Variants in DZIP1L observed in about 807,000 individuals in gnomAD.
DZIP1L encodes cilium assembly protein DZIP1L.
In DZIP1L, 90 loss-of-function variants were observed where a neutral mutation model predicts 88.7. The observed-to-expected ratio is 1.02, with a 90% CI of 0.86 to 1.21. The LOEUF (loss-of-function observed/expected upper bound fraction) is 1.21, where lower values mean the gene tolerates loss of function less well. Ranked by LOEUF, DZIP1L falls within the 50% of genes most tolerant of loss-of-function variation. DZIP1L has a pLI of 0.00. For synonymous variants in DZIP1L, 363 were observed against 372.1 expected (o/e 0.98, Z 0.28); for missense variants, 932 against 955.8 (o/e 0.98, Z 0.33).
At chr3:138,102,227 C>G in intron 2 of DZIP1L, 3 of 1,409,544 alleles carry the variant, frequency 2.1e-6, no homozygotes, top group African/African-American at 2.8e-5. Context: ...CCCGGATCTC[C>G]TCTTCATACA....
rs2042346346 is a variant in DZIP1L at position 138,102,363 on chromosome 3, T to G, written c.501+1108A>C. ...AAATTTATTCTCCATCTTTGTATGC[T>G]TATTGATCTCATCCTCATACTTGTT... On this transcript the variant is annotated intron_variant, in intron 2 of 15. Coordinates refer to ENST00000327532, the MANE Select transcript of DZIP1L (RefSeq NM_173543.3). The G allele has an allele frequency of 2.5e-6, 3 of 1,185,836 alleles. No homozygotes were observed. In the Admixed American group the frequency reaches 5.1e-5, roughly 20 times the overall value. 73.5% of individuals were successfully genotyped at this position (1,185,836 alleles called of 1,614,324 possible).
intron 1 of DZIP1L, among the ~76,000 whole-genome samples, chr3:138,114,682 T>A (rs901382859): frequency 1.3e-5 from 2 of 152,124 alleles, no homozygotes; most frequent in African/African-American, 2.4e-5. Flanking sequence ...AGGGGCAGCC[T>A]AGGCCCTGGG....
At chr3:138,108,980 GTGC>G (rs1427226593) in intron 1 of DZIP1L, among the ~76,000 whole-genome samples, 2 of 152,206 alleles carry the variant, frequency 1.3e-5, no homozygotes, top group Non-Finnish European at 2.9e-5. Flanking sequence ...AATCTGTGGA[GTGC>G]TGGGCTAGGA....
At position 138,063,781 on chromosome 3, in the gene DZIP1L, T is replaced by C. The variant is rs1942780432; in HGVS notation, c.2143-804A>G. ...AGTTTTTTCTTTTCAATCATTTGGA[T>C]GCATTACTCACAAACATACAGGAGC... On this transcript the variant is annotated intron_variant, in intron 15 of 15. Transcript: ENST00000327532. This position sits in a 1 kb window ranked among gnomAD's most constrained non-coding sequence, Gnocchi z 4.1. Among the ~76,000 whole-genome samples the C allele has an allele frequency of 1.3e-5, 2 of 152,228 alleles. No individual in the cohort carries two copies. The highest frequency in any genetic ancestry group is 2.9e-5 in the Non-Finnish European group (2 of 68,050).
At chr3:138,101,760 A>T in intron 2 of DZIP1L, 1 of 1,006,654 alleles carries the variant, frequency 9.9e-7, no homozygotes, top group African/African-American at 1.6e-5. Flanking sequence ...GCAGCTTCCT[A>T]TAGGTGGCGA....
chr3:138,098,405 G>A lies in DZIP1L; in HGVS notation c.502-558C>T, dbSNP rs531011946. Among the ~76,000 whole-genome samples the A allele has an allele frequency of 2.7e-4, 41 of 152,304 alleles. No homozygotes were observed. The East Asian group carries it at 4.2e-3, about 16-fold the overall frequency. ...TGTCTAGGTCCCATCCCAGGGTGGAGAAACACCAGAGGCAGAGAGGTTAGC... is the reference window on the plus strand; with the variant it reads ...TGTCTAGGTCCCATCCCAGGGTGGAAAAACACCAGAGGCAGAGAGGTTAGC... On this transcript the variant is annotated intron_variant, in intron 2 of 15. Coordinates refer to ENST00000327532, the MANE Select transcript of DZIP1L (RefSeq NM_173543.3).
chr3:138,113,191 G>T (rs1438402946), intron 1 of DZIP1L, among the ~76,000 whole-genome samples: 2 of 152,108 alleles, frequency 1.3e-5, no homozygotes, highest in East Asian at 3.8e-4. Context: ...CCCTTGCTTT[G>T]CACACTCCCA....
rs1447188312 is a variant in DZIP1L at position 138,071,652 on chromosome 3, G to T, written c.1606C>A (p.Gln536Lys). ...NGAVVSQPDG[Q>K]PSVKSQQSTL... is the part of the protein sequence containing the mutation. ...CCTCTCCCCAGTGTACCTGAAGGCT[G>T]CCCGTCTGGCTGGGACACCACAGCG... Residue 536 changes from glutamine (Q) to lysine (K), a missense_variant, in exon 12 of 16, where the codon CAG (glutamine) becomes AAG (lysine). Physicochemically the swap from Gln to Lys is moderately conservative, Grantham distance 53. Coordinates refer to ENST00000327532, the MANE Select transcript of DZIP1L (RefSeq NM_173543.3). 6.2e-7 allele frequency: 1 copy of T among 1,612,724 alleles called. No individual in the cohort carries two copies. Among genetic ancestry groups the T allele is most frequent in the African/African-American group, 1.3e-5 (1 of 74,920 alleles).
intron 11 of DZIP1L, among the ~76,000 whole-genome samples, chr3:138,074,140 G>A (rs896713546): frequency 2.6e-5 from 4 of 152,178 alleles, no homozygotes; most frequent in African/African-American, 9.7e-5. Context: ...ATCTTCGAGG[G>A]AATAATTGAG....
At chr3:138,078,444 T>G (rs985638155) in intron 10 of DZIP1L, among the ~76,000 whole-genome samples, 4 of 152,236 alleles carry the variant, frequency 2.6e-5, no homozygotes. Flanking sequence ...GGCTGCGAGT[T>G]GGAATCACCC....
chr3:138,077,181 T>C (rs916793607), intron 11 of DZIP1L, among the ~76,000 whole-genome samples: 3 of 152,098 alleles, frequency 2.0e-5, no homozygotes, highest in Admixed American at 2.0e-4. Flanking sequence ...ATTGAGCCAA[T>C]TAAATTCCCT....
chr3:138,095,850 T>G (rs1944447068), intron 3 of DZIP1L, among the ~76,000 whole-genome samples: 2 of 152,072 alleles, frequency 1.3e-5, no homozygotes, highest in Admixed American at 6.6e-5. Flanking sequence ...CAAAGCTCCT[T>G]TAAGTGTATA....
intron 14 of DZIP1L, among the ~76,000 whole-genome samples, chr3:138,065,675 G>T (rs1167438312): frequency 1.3e-5 from 2 of 152,202 alleles, no homozygotes; most frequent in African/African-American, 4.8e-5. Context: ...CTGTAAACAT[G>T]GCCAAGTACT....
chr3:138,103,161 TACAA>T (rs10576014), intron 2 of DZIP1L, among the ~76,000 whole-genome samples: 88,372 of 151,360 alleles, frequency 0.58, 27,909 homozygotes, highest in Non-Finnish European at 0.7. Context: ...TCACATCATT[TACAA>T]ACACACACAC....
chr3:138,081,808 A>C lies in DZIP1L; in HGVS notation c.1204-44T>G, dbSNP rs369849709. ...GAGCGGGTTACAACCAGCAGAGAAC[A>C]TTGTGAGAACTCTGCTTTGAGCAGT... On this transcript the variant is annotated intron_variant, in intron 8 of 15. Coordinates refer to ENST00000327532, the MANE Select transcript of DZIP1L (RefSeq NM_173543.3). 5.1e-5 allele frequency: 81 copies of C among 1,602,036 alleles called. 1 individual carries two copies. In the East Asian group the frequency reaches 6.3e-4, roughly 12 times the overall value.
In DZIP1L at chr3:138,094,968, T is replaced by C; in HGVS notation, c.602A>G (p.Gln201Arg). 1 of 1,614,256 alleles carries C rather than the reference T, an allele frequency of 6.2e-7. No homozygotes were observed. Among genetic ancestry groups the C allele is most frequent in the Non-Finnish European group, 8.5e-7 (1 of 1,180,036 alleles). The change falls in exon 4 of 16, where the codon CAG becomes CGG. Residue 201 changes from glutamine (Q) to arginine (R), a missense_variant. Physicochemically the swap from Gln to Arg is conservative, Grantham distance 43. Transcript: ENST00000327532. ...GVAEGGKQKKQEQPVEEVLEE... is the reference protein window; with the variant it reads ...GVAEGGKQKKREQPVEEVLEE... Reference sequence around the variant, plus strand: ...TAACACCTCTTCCACTGGCTGTTCCTGTTTCTTCTGTTTTCCTGTGGGGTC... The same window carrying C: ...TAACACCTCTTCCACTGGCTGTTCCCGTTTCTTCTGTTTTCCTGTGGGGTC...
intron 4 of DZIP1L, among the ~76,000 whole-genome samples, chr3:138,093,214 C>A (rs984204001): frequency 6.6e-6 from 1 of 152,236 alleles, no homozygotes; most frequent in Non-Finnish European, 1.5e-5. Flanking sequence ...GAAAACAACA[C>A]AAATCTCCTT....
chr3:138,091,187 G>A (rs1003416378), intron 5 of DZIP1L, among the ~76,000 whole-genome samples: 2 of 151,896 alleles, frequency 1.3e-5, no homozygotes, highest in Non-Finnish European at 2.9e-5. Flanking sequence ...AGGTTATCCT[G>A]CATAAACTTG....
At chr3:138,082,069 A>G (rs1202594531) in intron 8 of DZIP1L, among the ~76,000 whole-genome samples, 1 of 152,250 alleles carries the variant, frequency 6.6e-6, no homozygotes. Flanking sequence ...ACAGGCACAC[A>G]GTTGTTCCTA....
Sources: allele counts gnomAD v4.1 joint callset (sites outside exome capture counted in the v4.1 genomes callset), GRCh38; gene constraint gnomAD v4.1.1; non-coding constraint Gnocchi (gnomAD v3.1); transcripts MANE v1.5; gene names NCBI Gene and HGNC (gene_info 2026-07-23, HGNC 2026-07-21).